Variants in RBFOX1 observed in about 807,000 individuals in gnomAD.
RBFOX1 encodes the protein RNA binding protein fox-1 homolog 1.
In RBFOX1, 8 loss-of-function variants were observed where a neutral mutation model predicts 57.7. The ratio of observed to expected loss-of-function variants is 0.14; its 90% confidence interval spans 0.08 to 0.25. The LOEUF (loss-of-function observed/expected upper bound fraction) is 0.25. RBFOX1 is among the 10% of genes least tolerant of loss of function. RBFOX1 has a pLI of 1.00. For synonymous variants in RBFOX1, 326 were observed against 222.4 expected, an observed-to-expected ratio of 1.47 and a Z score of -4.15; for missense variants, 611 against 548.5, an observed-to-expected ratio of 1.11 and a Z score of -1.14.
At chr16:5,698,608 A>G (rs1419224322) in intron 3 of RBFOX1, among the ~76,000 whole-genome samples, 1 of 152,110 alleles carries the variant, frequency 6.6e-6, no homozygotes, top group Non-Finnish European at 1.5e-5. Flanking sequence ...ATACATTCAA[A>G]AGATTTAAAA....
intron 3 of RBFOX1, among the ~76,000 whole-genome samples, chr16:6,926,238 G>C (rs2075560923): frequency 6.6e-6 from 1 of 152,078 alleles, no homozygotes; most frequent in Non-Finnish European, 1.5e-5. Flanking sequence ...ACCTGGGAGG[G>C]GGAGGTTGCA....
intron 1 of RBFOX1, among the ~76,000 whole-genome samples, chr16:6,084,427 G>A (rs1239807725): frequency 6.6e-6 from 1 of 151,746 alleles, no homozygotes; most frequent in Non-Finnish European, 1.5e-5. Context: ...TATTTTTTGT[G>A]AAGACGGAGT....
intron 5 of RBFOX1, among the ~76,000 whole-genome samples, chr16:7,535,851 G>T (rs950246594): frequency 6.6e-6 from 1 of 152,134 alleles, no homozygotes; most frequent in African/African-American, 2.4e-5. Flanking sequence ...CTCAGTGTTA[G>T]GCAAAGTGCC....
chr16:7,463,375 G>A (rs967488485), intron 4 of RBFOX1, among the ~76,000 whole-genome samples: 1 of 152,120 alleles, frequency 6.6e-6, no homozygotes, highest in Non-Finnish European at 1.5e-5. Flanking sequence ...GTGATTGTGG[G>A]TGCCTGTAAT....
In RBFOX1 at chr16:7,020,473, C is replaced by T. The variant is rs185211805; in HGVS notation, c.-15-31584C>T. 6.6e-4 allele frequency among the ~76,000 whole-genome samples: 100 copies of T among 152,268 alleles called. 1 individual carries two copies. The highest frequency in any genetic ancestry group is 2.2e-3 in the African/African-American group (93 of 41,576). On this transcript the variant is annotated intron_variant, in intron 3 of 15. Transcript: ENST00000550418. ...TGATCTTGTCATCCACCTGCCTCAA[C>T]CTCCCAAAGTGCTGGGATTTCAGGC... is the stretch of plus-strand genomic sequence containing the variant.
intron 3 of RBFOX1, among the ~76,000 whole-genome samples, chr16:5,682,707 G>C (rs1287455979): frequency 1.3e-5 from 2 of 152,208 alleles, no homozygotes; most frequent in Non-Finnish European, 2.9e-5. Flanking sequence ...GGTTGTCCGA[G>C]TCTAACAACA....
At chr16:5,636,971 A>T (rs1317469706) in intron 3 of RBFOX1, among the ~76,000 whole-genome samples, 2 of 152,198 alleles carry the variant, frequency 1.3e-5, no homozygotes, top group East Asian at 1.9e-4. Flanking sequence ...CTGCTAATCC[A>T]TATGCATTTG....
intron 2 of RBFOX1, among the ~76,000 whole-genome samples, chr16:6,595,902 A>T (rs1055692448): frequency 2.6e-5 from 4 of 152,132 alleles, no homozygotes; most frequent in African/African-American, 9.7e-5. Flanking sequence ...CTTTTAAAAT[A>T]GGGCTATTTG....
At chr16:6,749,259 C>T (rs1229020578) in intron 3 of RBFOX1, among the ~76,000 whole-genome samples, 1 of 152,102 alleles carries the variant, frequency 6.6e-6, no homozygotes, top group Non-Finnish European at 1.5e-5. Flanking sequence ...AGCCTGGGTT[C>T]CTCATTGGTA....
chr16:6,842,997 G>A (rs1028820306), intron 3 of RBFOX1, among the ~76,000 whole-genome samples: 6 of 152,120 alleles, frequency 3.9e-5, no homozygotes, highest in Admixed American at 2.0e-4. Flanking sequence ...CAAAGGATAT[G>A]ATCTCATTCT....
At chr16:6,608,946 G>T (rs1245163656) in intron 2 of RBFOX1, among the ~76,000 whole-genome samples, 2 of 152,058 alleles carry the variant, frequency 1.3e-5, no homozygotes, top group Non-Finnish European at 2.9e-5. Context: ...GCTCCCTTGG[G>T]TCACAGCCTT....
At chr16:7,006,634 G>C (rs538730601) in intron 3 of RBFOX1, among the ~76,000 whole-genome samples, 1 of 152,174 alleles carries the variant, frequency 6.6e-6, no homozygotes, top group Admixed American at 6.5e-5. Context: ...GTTTTATAGA[G>C]ACAAGGTCTC....
chr16:7,520,098 G>C (rs1357009847), intron 5 of RBFOX1, among the ~76,000 whole-genome samples: 1 of 152,058 alleles, frequency 6.6e-6, no homozygotes, highest in Non-Finnish European at 1.5e-5. Context: ...TGTTATCCAG[G>C]ATGATCTCAA....
intron 4 of RBFOX1, among the ~76,000 whole-genome samples, chr16:7,326,722 C>T (rs1042323342): frequency 2.6e-5 from 4 of 151,996 alleles, no homozygotes; most frequent in African/African-American, 4.8e-5. Context: ...TAATCAGAAA[C>T]ATAAAAGGGC....
chr16:6,654,462 A>C (rs2098631242), intron 2 of RBFOX1, 141 bp from the exon 3 acceptor site: 3 of 643,922 alleles, frequency 4.7e-6, no homozygotes, highest in South Asian at 2.2e-5. Flanking sequence ...TATAAAGAGC[A>C]ATGACTCGAG....
At chr16:6,786,356 G>C (rs1305537634) in intron 3 of RBFOX1, among the ~76,000 whole-genome samples, 3 of 152,164 alleles carry the variant, frequency 2.0e-5, no homozygotes, top group Non-Finnish European at 2.9e-5. Flanking sequence ...AATGAGGAGA[G>C]TCCCTGTTGT....
intron 3 of RBFOX1, among the ~76,000 whole-genome samples, chr16:6,902,401 T>G (rs772442190): frequency 6.6e-6 from 1 of 152,146 alleles, no homozygotes; most frequent in Non-Finnish European, 1.5e-5. Flanking sequence ...AGGAAAGTCT[T>G]CCAGGCCATA....
chr16:6,923,167 T>A (rs577925798), intron 3 of RBFOX1, among the ~76,000 whole-genome samples: 2 of 152,148 alleles, frequency 1.3e-5, no homozygotes, highest in East Asian at 3.9e-4. Flanking sequence ...TGAGAATAAA[T>A]ACCCTGGTCC....
intron 4 of RBFOX1, among the ~76,000 whole-genome samples, chr16:7,205,574 C>T (rs2089787150): frequency 6.6e-6 from 1 of 151,840 alleles, no homozygotes; most frequent in Non-Finnish European, 1.5e-5. Flanking sequence ...ATGAACCTTT[C>T]AGTAGAATGT....
Sources: allele counts gnomAD v4.1 joint callset (sites outside exome capture counted in the v4.1 genomes callset), GRCh38; gene constraint gnomAD v4.1.1; transcripts MANE v1.5; gene names NCBI Gene and HGNC (gene_info 2026-07-23, HGNC 2026-07-21).